The following VWA3B variants were observed in gnomAD, a reference collection of about 807,000 sequenced individuals.
The protein encoded by VWA3B is von Willebrand factor A domain containing 3B, also known as von Willebrand factor A domain-containing protein 3B.
Under a neutral mutation model 158.3 loss-of-function variants are expected in VWA3B, and 138 were observed. That is an observed-to-expected ratio of 0.87 (90% confidence interval 0.76 to 1.00). VWA3B has a LOEUF of 1.00. Among genes scored for constraint, VWA3B ranks in the 50% least tolerant of loss-of-function variants. The probability of loss-of-function intolerance (pLI) is 0.00; values close to 1 mark genes in which losing one functional copy is unlikely to be tolerated. For synonymous variants in VWA3B, 596 were observed against 587.3 expected, an observed-to-expected ratio of 1.01 and a Z score of -0.21; for missense variants, 1,555 against 1,565.1, an observed-to-expected ratio of 0.99 and a Z score of 0.11.
At chr2:98,145,867 G>A (rs932141522) in intron 7 of VWA3B, among the ~76,000 whole-genome samples, 10 of 151,962 alleles carry the variant, frequency 6.6e-5, no homozygotes, top group Admixed American at 2.0e-4. Flanking sequence ...CTACAGGCAC[G>A]TGCCACTATG....
At chr2:98,155,769 T>TC (rs1285877472) in intron 7 of VWA3B, among the ~76,000 whole-genome samples, 2 of 152,118 alleles carry the variant, frequency 1.3e-5, no homozygotes, top group Admixed American at 6.6e-5. Flanking sequence ...GAAGATGGTG[T>TC]CGGGGGTTCC....
At chr2:98,252,096 A>G (rs1216567566) in intron 20 of VWA3B, among the ~76,000 whole-genome samples, 3 of 151,900 alleles carry the variant, frequency 2.0e-5, no homozygotes, top group East Asian at 1.9e-4. Flanking sequence ...CTCAGCACCA[A>G]TGATCCTTCT....
the VWA3B span, among the ~76,000 whole-genome samples, chr2:98,327,598 A>G: frequency 6.6e-6 from 1 of 152,208 alleles, no homozygotes; most frequent in Admixed American, 6.5e-5. Context: ...AATGTATTTG[A>G]CATAATTCAA....
chr2:98,259,178 T>C (rs1687333596), intron 21 of VWA3B, among the ~76,000 whole-genome samples: 1 of 151,814 alleles, frequency 6.6e-6, no homozygotes, highest in Non-Finnish European at 1.5e-5. Context: ...TAGTGTTTTA[T>C]TAAGAATATT....
intron 3 of VWA3B, 63 bp from the exon 4 acceptor site, chr2:98,119,450 A>G: frequency 6.4e-7 from 1 of 1,558,028 alleles, no homozygotes; most frequent in Non-Finnish European, 8.7e-7. Flanking sequence ...CGGTGGCAGC[A>G]CTGTGGTTCA....
At chr2:98,187,604 A>G (rs1311302659) in intron 9 of VWA3B, among the ~76,000 whole-genome samples, 1 of 150,738 alleles carries the variant, frequency 6.6e-6, no homozygotes, top group Non-Finnish European at 1.5e-5. Flanking sequence ...GGGACTGAGT[A>G]TCTAATTCTC....
intron 22 of VWA3B, among the ~76,000 whole-genome samples, chr2:98,272,852 G>A (rs948570029): frequency 6.6e-6 from 1 of 152,140 alleles, no homozygotes; most frequent in African/African-American, 2.4e-5. Flanking sequence ...TCACAGGAGT[G>A]GATTCCTTAT....
At position 98,228,338 on chromosome 2, in the gene VWA3B, C is replaced by T. The variant is rs1348156597; in HGVS notation, c.2150+6C>T. The T allele has an allele frequency of 1.2e-6, 2 of 1,608,114 alleles. No individual in the cohort carries two copies. The highest frequency in any genetic ancestry group is 1.1e-5 in the South Asian group (1 of 90,218). On this transcript the variant is annotated splice_donor_region_variant and intron_variant, in intron 15 of 27. Coordinates refer to ENST00000477737, the MANE Select transcript of VWA3B (RefSeq NM_144992.5). The stretch of plus-strand genomic sequence containing the variant: ...GAAAAGGATGGAGACAGCAAGTGAG[C>T]ACCTCTGCCCGCCTGTCTCCCTGCG...
chr2:98,263,652 G>A (rs374846364), intron 21 of VWA3B, among the ~76,000 whole-genome samples: 1 of 151,818 alleles, frequency 6.6e-6, no homozygotes, highest in East Asian at 1.9e-4. Context: ...CTGTTTTGTT[G>A]AGGATTTTTG....
At chr2:98,287,977 A>G (rs1221613589) in intron 22 of VWA3B, among the ~76,000 whole-genome samples, 1 of 152,126 alleles carries the variant, frequency 6.6e-6, no homozygotes, top group East Asian at 1.9e-4. Context: ...TTTTAATTTA[A>G]TAGTTTCTAT....
At chr2:98,234,906 T>C (rs1437806106) in intron 17 of VWA3B, 139 bp downstream of exon 17, 1 of 1,313,212 alleles carries the variant, frequency 7.6e-7, no homozygotes, top group Non-Finnish European at 1.0e-6. Context: ...AGGAATCCCT[T>C]GTAAGTCAGG....
At chr2:98,281,978 C>G (rs1278752394) in intron 22 of VWA3B, among the ~76,000 whole-genome samples, 1 of 152,108 alleles carries the variant, frequency 6.6e-6, no homozygotes, top group African/African-American at 2.4e-5. Context: ...CCATGGGTTT[C>G]TTTTTAGACC....
intron 25 of VWA3B, among the ~76,000 whole-genome samples, chr2:98,302,316 C>T (rs921615533): frequency 4.6e-5 from 7 of 152,242 alleles, no homozygotes; most frequent in African/African-American, 1.7e-4. Context: ...CTGGCTTCCT[C>T]ACCAACCTCT....
chr2:98,181,345 G>GA, intron 9 of VWA3B, 133 bp downstream of exon 9: 1 of 957,386 alleles, frequency 1.0e-6, no homozygotes, highest in Non-Finnish European at 1.6e-6. Flanking sequence ...GTGAAGAACA[G>GA]GGTTCCTCTG....
At chr2:98,265,089 T>C (rs1179384353) in intron 21 of VWA3B, among the ~76,000 whole-genome samples, 1 of 151,672 alleles carries the variant, frequency 6.6e-6, no homozygotes, top group Non-Finnish European at 1.5e-5. Context: ...CACGTGCACA[T>C]TGTACAGGTT....
intron 14 of VWA3B, among the ~76,000 whole-genome samples, chr2:98,224,418 G>A (rs1370666504): frequency 1.3e-5 from 2 of 152,158 alleles, no homozygotes; most frequent in African/African-American, 4.8e-5. Flanking sequence ...AGAAGGTAAA[G>A]GGACCTGAAT....
chr2:98,250,465 T>C (rs1203257627), intron 20 of VWA3B, 29 bp downstream of exon 20: 1 of 1,521,502 alleles, frequency 6.6e-7, no homozygotes, highest in South Asian at 1.2e-5. Flanking sequence ...TGCTCTTTAA[T>C]GGATGTGGAA....
intron 25 of VWA3B, among the ~76,000 whole-genome samples, chr2:98,300,951 C>T (rs1690141872): frequency 6.6e-6 from 1 of 152,146 alleles, no homozygotes; most frequent in African/African-American, 2.4e-5. Flanking sequence ...GGCGGACAGG[C>T]ACAAAGTGGA....
chr2:98,181,452 G>T (rs1034869755), intron 9 of VWA3B, among the ~76,000 whole-genome samples: 1 of 152,228 alleles, frequency 6.6e-6, no homozygotes, highest in African/African-American at 2.4e-5. Context: ...TAAGCCAGGG[G>T]CTGGGTTTGG....
Sources: allele counts gnomAD v4.1 joint callset (sites outside exome capture counted in the v4.1 genomes callset), GRCh38; gene constraint gnomAD v4.1.1; transcripts MANE v1.5; gene names NCBI Gene and HGNC (gene_info 2026-07-23, HGNC 2026-07-21).